KIAA1210: variants seen among roughly 807,000 people sequenced by gnomAD.
KIAA1210 encodes the protein acrosomal protein KIAA1210.
A neutral mutation model predicts 78.9 loss-of-function variants in KIAA1210; 48 were observed. The ratio of observed to expected loss-of-function variants is 0.61; its 90% CI spans 0.48 to 0.77. The LOEUF is 0.77. KIAA1210 is among the 30% of genes least tolerant of loss of function. The pLI is 0.00. For synonymous variants in KIAA1210, 406 were observed against 404.5 expected (o/e 1.00, Z -0.04); for missense variants, 1,108 against 1,100.0 (o/e 1.01, Z -0.10).
At chrX:119,103,706 T>G (rs1927802487) in intron 6 of KIAA1210, among the ~76,000 whole-genome samples, 1 of 112,261 alleles carries the variant, frequency 8.9e-6, no homozygotes, top group African/African-American at 3.2e-5. Flanking sequence ...CAAGTGTCTA[T>G]CAATGGATGA....
chrX:119,121,676 T>C (rs1928461865), intron 2 of KIAA1210, among the ~76,000 whole-genome samples: 1 of 112,999 alleles, frequency 8.8e-6, no homozygotes, highest in Non-Finnish European at 1.9e-5. Context: ...CCATCTGAAT[T>C]GAAATGAATG....
chrX:119,083,998 CAAAAAAAAAA>C (rs751363845), intron 10 of KIAA1210, among the ~76,000 whole-genome samples: 1 of 16,963 alleles, frequency 5.9e-5, no homozygotes, highest in African/African-American at 1.7e-4. Context: ...GAACCTGTCT[CAAAAAAAAAA>C]AAAAAAAAAA....
intron 2 of KIAA1210, among the ~76,000 whole-genome samples, chrX:119,144,051 G>C (rs1190680102): frequency 8.9e-6 from 1 of 112,440 alleles, no homozygotes. Context: ...GAACCGTTGG[G>C]AAGTATGGCC....
intron 2 of KIAA1210, among the ~76,000 whole-genome samples, chrX:119,137,811 T>C (rs1928949629): frequency 8.9e-6 from 1 of 112,110 alleles, no homozygotes; most frequent in Non-Finnish European, 1.9e-5. Flanking sequence ...ACTGGCTACA[T>C]GTGGAAGGAG....
intron 7 of KIAA1210, 58 bp downstream of exon 7, chrX:119,096,436 G>T: frequency 9.5e-7 from 1 of 1,048,004 alleles, no homozygotes; most frequent in South Asian, 2.2e-5. Flanking sequence ...GTTTGCAAAG[G>T]TTGGAACTCA....
chrX:119,122,690 G>A (rs1416143467), intron 2 of KIAA1210, among the ~76,000 whole-genome samples: 1 of 111,705 alleles, frequency 9.0e-6, no homozygotes, highest in Non-Finnish European at 1.9e-5. Context: ...ATTTTGGAGT[G>A]CCTAATCTCT....
rs377275386 is a variant in KIAA1210, at chrX:119,081,336, G to T, written c.4595C>A (p.Thr1532Lys). Residue 1532 changes from threonine (T) to lysine (K), a missense_variant, in exon 12 of 12, where the codon ACG becomes AAG. This residue lies in a region of KIAA1210 where 245 missense variants were observed against 278.8 expected (regional missense o/e 0.88). Coordinates refer to ENST00000691062, the MANE Select transcript of KIAA1210 (RefSeq NM_001394962.1). ...AKAWSHMAEI[T>K]Q ...GCTCCACACAAGAGCTCTTTATTGC[G>T]TGATTTCTGCCATGTGGCTCCATGC... The T allele has an allele frequency of 8.4e-7, 1 of 1,186,607 alleles. No homozygotes were observed. Among genetic ancestry groups the T allele is most frequent in the Admixed American group, 2.3e-5 (1 of 42,994 alleles).
At chrX:119,083,583 A>G (rs1377050796) in intron 10 of KIAA1210, among the ~76,000 whole-genome samples, 2 of 112,277 alleles carry the variant, frequency 1.8e-5, no homozygotes, top group Admixed American at 9.5e-5. Context: ...CTCACATTAG[A>G]AAGTAATATA....
At position 119,089,677 on chromosome X, in the gene KIAA1210, T is replaced by C; in HGVS notation, c.1025A>G (p.Asn342Ser). 8.3e-7 allele frequency: 1 copy of C among 1,211,499 alleles called. No individual in the cohort carries two copies. The highest frequency in any genetic ancestry group is 1.1e-6 in the Non-Finnish European group (1 of 895,279). ...YDKKTTDQAP[N>S]TDASRSQGYP... ...GCCCTGACTCCGAGAAGCATCAGTG[T>C]TTGGAGCCTGGTCTGTTGTCTTCTT... Residue 342 changes from asparagine to serine, a missense_variant, in exon 9 of 12, where the codon AAC becomes AGC. This residue lies in a region of KIAA1210 where 672 missense variants were observed against 607.1 expected (regional missense o/e 1.11). Transcript: ENST00000691062.
At chrX:119,123,458 T>G in intron 2 of KIAA1210, 124 bp downstream of exon 2, 2 of 474,082 alleles carry the variant, frequency 4.2e-6, no homozygotes, top group Non-Finnish European at 6.8e-6. Flanking sequence ...AACTGAAAAG[T>G]AAACGTGACT....
At position 119,102,930 on chromosome X, in the gene KIAA1210, T is replaced by G. The variant is rs748582437; in HGVS notation, c.648+2062A>C. 5.3e-5 allele frequency among the ~76,000 whole-genome samples: 6 copies of G among 112,243 alleles called. No individual in the cohort carries two copies. In the East Asian group the frequency reaches 1.7e-3, roughly 31 times the overall value. The stretch of plus-strand genomic sequence containing the variant: ...TTCTGATGTAAAAATGCAGATTCAC[T>G]GAGGAAGATGAAGGCATAAGTGACT... On this transcript the variant is annotated intron_variant, in intron 6 of 11. Transcript: ENST00000691062.
At chrX:119,118,880 C>G (rs988815643) in intron 2 of KIAA1210, among the ~76,000 whole-genome samples, 1 of 112,373 alleles carries the variant, frequency 8.9e-6, no homozygotes, top group Non-Finnish European at 1.9e-5. Context: ...AGTTATAGCT[C>G]CCTATGTCTT....
At chrX:119,108,838 G>A (rs1458383083) in intron 4 of KIAA1210, among the ~76,000 whole-genome samples, 3 of 101,889 alleles carry the variant, frequency 2.9e-5, no homozygotes, top group African/African-American at 1.1e-4. Flanking sequence ...AGTGAGACCT[G>A]TCTCAAAAAA....
rs1928686843 is a variant in KIAA1210, at chrX:119,127,722, CT to C, written c.-11+4del. ...AAAATTCTTTAAAGAGTTATCTATA[CT>C]TACTGCCTTTATGTCCTCACTTTCT... On this transcript the variant is annotated splice_donor_region_variant and intron_variant, in intron 1 of 11. Transcript: ENST00000691062. Among the ~76,000 whole-genome samples the C allele has an allele frequency of 8.9e-6, 1 of 111,992 alleles. No homozygotes were observed. Among genetic ancestry groups the C allele is most frequent in the Admixed American group, 9.5e-5 (1 of 10,544 alleles).
Position 119,081,360 on chromosome X carries a change from G to A in KIAA1210, c.4571C>T (p.Ala1524Val). Residue 1524 changes from alanine (A) to valine (V), a missense_variant, in exon 12 of 12, where the codon GCA (alanine) becomes GTA (valine). Ala to Val is a moderately conservative substitution (Grantham distance 64). This residue lies in a region of KIAA1210 where 245 missense variants were observed against 278.8 expected (regional missense o/e 0.88). Coordinates refer to ENST00000691062, the MANE Select transcript of KIAA1210 (RefSeq NM_001394962.1). The part of the protein sequence containing the change: ...WFSLARKKAK[A>V]WSHMAEITQ The stretch of plus-strand genomic sequence containing the variant: ...CGTGATTTCTGCCATGTGGCTCCAT[G>A]CTTTGGCTTTCTTCCTGGCCAGTGA... The A allele has an allele frequency of 8.3e-7, 1 of 1,205,575 alleles. No individual in the cohort carries two copies. Among genetic ancestry groups the A allele is most frequent in the Non-Finnish European group, 1.1e-6 (1 of 892,634 alleles).
intron 2 of KIAA1210, among the ~76,000 whole-genome samples, chrX:119,145,681 T>A (rs1450616503): frequency 6.3e-5 from 7 of 111,558 alleles, no homozygotes; most frequent in African/African-American, 2.3e-4. Flanking sequence ...GTACTATATA[T>A]GCATTTGAAG....
At position 119,119,990 on chromosome X, in the gene KIAA1210, AAAAAAGAAAG is replaced by A. The variant is rs1415890789; in HGVS notation, c.62-3336_62-3327del. Among the ~76,000 whole-genome samples the A allele has an allele frequency of 6.3e-3, 415 of 66,069 alleles. 4 individuals carry two copies. The highest frequency in any genetic ancestry group is 0.013 in the Non-Finnish European group (333 of 24,926). 57.4% of individuals were successfully genotyped at this position (66,069 alleles called of 115,157 possible). A position where few individuals can be genotyped will look rare whatever the true frequency, so the allele number is the denominator to read the frequency against. On this transcript the variant is annotated intron_variant, in intron 2 of 11. Coordinates refer to ENST00000691062, the MANE Select transcript of KIAA1210 (RefSeq NM_001394962.1). ...GACTCCATCTCAAAAAAAAAAAAAA[AAAAAAGAAAG>A]AAAGAAAAGAAAAGAAAAATTAGCT...
At position 119,081,549 on chromosome X, in the gene KIAA1210, G is replaced by A. The variant is rs1445876848; in HGVS notation, c.4427-45C>T. Reference sequence around the variant, plus strand: ...CACACAAGCAATAAGGAACCCCAGCGATATTGGGGTATGTTGTTTATGGAA... The same window carrying A: ...CACACAAGCAATAAGGAACCCCAGCAATATTGGGGTATGTTGTTTATGGAA... On this transcript the variant is annotated intron_variant, in intron 11 of 11. Coordinates refer to ENST00000691062, the MANE Select transcript of KIAA1210 (RefSeq NM_001394962.1). 5.4e-6 allele frequency: 6 copies of A among 1,111,350 alleles called. No individual in the cohort carries two copies. The South Asian group carries it at 8.2e-5, about 15-fold the overall frequency. 91.6% of individuals were successfully genotyped at this position (1,111,350 alleles called of 1,213,427 possible). A position where few individuals can be genotyped will look rare whatever the true frequency, so the allele number is the denominator to read the frequency against.
intron 2 of KIAA1210, among the ~76,000 whole-genome samples, chrX:119,121,028 C>T (rs1390482911): frequency 9.0e-6 from 1 of 111,209 alleles, no homozygotes; most frequent in Non-Finnish European, 1.9e-5. Context: ...ATCCAACACC[C>T]CCCACCCCCA....
Sources: allele counts gnomAD v4.1 joint callset (sites outside exome capture counted in the v4.1 genomes callset), GRCh38; gene constraint gnomAD v4.1.1; regional missense constraint gnomAD v4.1.1; transcripts MANE v1.5; gene names NCBI Gene and HGNC (gene_info 2026-07-23, HGNC 2026-07-21).